SLC41A2: variants seen among roughly 807,000 people sequenced by gnomAD.
SLC41A2 encodes solute carrier family 41 member 2.
In SLC41A2, 32 loss-of-function variants were observed where a neutral mutation model predicts 58.3. That is an observed-to-expected ratio of 0.55 (90% CI 0.41 to 0.74). The LOEUF (loss-of-function observed/expected upper bound fraction) is 0.74. Among genes scored for constraint, SLC41A2 ranks in the 30% least tolerant of loss-of-function variants. SLC41A2 has a pLI of 0.00. For synonymous variants in SLC41A2, 190 were observed against 235.0 expected, an observed-to-expected ratio of 0.81 and a Z score of 1.75; for missense variants, 514 against 680.6, an observed-to-expected ratio of 0.76 and a Z score of 2.72.
At chr12:104,827,303 T>C (rs1275358420) in intron 10 of SLC41A2, among the ~76,000 whole-genome samples, 6 of 152,118 alleles carry the variant, frequency 3.9e-5, no homozygotes, top group Admixed American at 3.9e-4. Context: ...CTCCTTAAAG[T>C]AGTCACCTCG....
chr12:104,924,288 A>G (rs2046737478), intron 2 of SLC41A2, among the ~76,000 whole-genome samples: 1 of 152,220 alleles, frequency 6.6e-6, no homozygotes, highest in South Asian at 2.1e-4. Flanking sequence ...AAGAATATAG[A>G]GTATTGAGAT....
At chr12:104,863,493 C>T (rs549678951) in intron 7 of SLC41A2, among the ~76,000 whole-genome samples, 5 of 152,164 alleles carry the variant, frequency 3.3e-5, no homozygotes, top group South Asian at 4.2e-4. Context: ...AAATAATGGT[C>T]CCTAGCCCCA....
intron 4 of SLC41A2, among the ~76,000 whole-genome samples, chr12:104,893,431 T>G (rs2045115040): frequency 6.6e-6 from 1 of 152,200 alleles, no homozygotes; most frequent in African/African-American, 2.4e-5. Context: ...ACAAGCACTA[T>G]GGGGAACAGT....
At chr12:104,891,849 G>A (rs111283706) in intron 4 of SLC41A2, among the ~76,000 whole-genome samples, 1 of 151,962 alleles carries the variant, frequency 6.6e-6, no homozygotes, top group Admixed American at 6.6e-5. Flanking sequence ...AAAATTGTAG[G>A]ATACAAAATC....
chr12:104,825,218 G>T (rs1363255205), intron 10 of SLC41A2, among the ~76,000 whole-genome samples: 1 of 152,154 alleles, frequency 6.6e-6, no homozygotes, highest in African/African-American at 2.4e-5. Flanking sequence ...ACAGTCACAG[G>T]CATGCGTGGC....
intron 7 of SLC41A2, among the ~76,000 whole-genome samples, chr12:104,865,636 GCTC>G (rs953164527): frequency 2.0e-5 from 3 of 151,814 alleles, no homozygotes; most frequent in African/African-American, 7.3e-5. Context: ...TGCCCTCTTT[GCTC>G]CTCCTCTGTC....
At chr12:104,824,387 A>T (rs1240674752) in intron 10 of SLC41A2, among the ~76,000 whole-genome samples, 6 of 152,192 alleles carry the variant, frequency 3.9e-5, no homozygotes, top group African/African-American at 1.4e-4. Flanking sequence ...ATCCACCAGC[A>T]GAATGATGTG....
rs537143502 is a variant in SLC41A2, at chr12:104,832,451, C to A, written c.1536+12021G>T. 3.5e-4 allele frequency among the ~76,000 whole-genome samples: 54 copies of A among 152,212 alleles called. No individual in the cohort carries two copies. The South Asian group carries it at 7.0e-3, about 20-fold the overall frequency. ...AAAACAATAACTAGTGGAACAAATG[C>A]CTAAAAATATCAACCCCATCAACAG... is the stretch of plus-strand genomic sequence containing the variant. On this transcript the variant is annotated intron_variant, in intron 10 of 10. Transcript: ENST00000258538.
At chr12:104,900,141 G>A (rs116185014) in intron 3 of SLC41A2, among the ~76,000 whole-genome samples, 2,894 of 152,154 alleles carry the variant, frequency 0.019, 32 homozygotes, top group African/African-American at 0.036. Flanking sequence ...ATTCCCTCAG[G>A]CGAAAACATC....
chr12:104,915,418 T>C (rs973934353), intron 2 of SLC41A2, among the ~76,000 whole-genome samples: 6 of 152,352 alleles, frequency 3.9e-5, no homozygotes, highest in Non-Finnish European at 7.3e-5. Context: ...TGTTCTTCCA[T>C]TTGTTTGTAT....
intron 10 of SLC41A2, among the ~76,000 whole-genome samples, chr12:104,841,941 T>C (rs1000538021): frequency 2.0e-5 from 3 of 152,050 alleles, no homozygotes; most frequent in Admixed American, 6.5e-5. Flanking sequence ...TCAGCATGCA[T>C]TGGAAAACTG....
intron 1 of SLC41A2, among the ~76,000 whole-genome samples, chr12:104,944,268 T>TAGA (rs1593186978): frequency 6.6e-6 from 1 of 152,132 alleles, no homozygotes; most frequent in Non-Finnish European, 1.5e-5. Flanking sequence ...TACCTCCCAT[T>TAGA]AGATTATGAA....
chr12:104,869,946 T>A (rs985696878), intron 6 of SLC41A2, among the ~76,000 whole-genome samples: 1 of 152,204 alleles, frequency 6.6e-6, no homozygotes. Flanking sequence ...ATGAAACACA[T>A]TTAAAAGATC....
chr12:104,823,018 A>T (rs1168651353), intron 10 of SLC41A2, among the ~76,000 whole-genome samples: 5 of 152,168 alleles, frequency 3.3e-5, no homozygotes, highest in Admixed American at 6.5e-5. Context: ...AAGAACATAG[A>T]GAACAAAAGG....
chr12:104,817,190 C>T (rs2041444712), intron 10 of SLC41A2, among the ~76,000 whole-genome samples: 2 of 152,142 alleles, frequency 1.3e-5, no homozygotes, highest in South Asian at 2.1e-4. Flanking sequence ...TACCTAAACA[C>T]AGAAAAGTTG....
chr12:104,839,989 T>C (rs1439847066), intron 10 of SLC41A2, among the ~76,000 whole-genome samples: 1 of 152,254 alleles, frequency 6.6e-6, no homozygotes, highest in African/African-American at 2.4e-5. Context: ...GTTCCTTCTT[T>C]GCTCAATAGA....
intron 3 of SLC41A2, among the ~76,000 whole-genome samples, chr12:104,908,916 T>C (rs2045964666): frequency 6.6e-6 from 1 of 152,196 alleles, no homozygotes; most frequent in Non-Finnish European, 1.5e-5. Context: ...ACAAGAATAT[T>C]CATCACAACA....
At chr12:104,932,629 A>G (rs1231909565) in intron 1 of SLC41A2, among the ~76,000 whole-genome samples, 4 of 149,906 alleles carry the variant, frequency 2.7e-5, no homozygotes, top group Admixed American at 1.3e-4. Flanking sequence ...TGTCTCAAAA[A>G]AAAAAAAAAA....
At chr12:104,821,855 T>G (rs963492223) in intron 10 of SLC41A2, among the ~76,000 whole-genome samples, 7 of 152,234 alleles carry the variant, frequency 4.6e-5, no homozygotes, top group Non-Finnish European at 1.0e-4. Flanking sequence ...ATTCACTATG[T>G]TATTATTCTT....
Sources: gnomAD v4.1 joint callset for allele counts (sites outside exome capture counted in the v4.1 genomes callset) on GRCh38, gnomAD v4.1.1 for gene constraint, MANE v1.5 for transcripts, NCBI Gene and HGNC (gene_info 2026-07-23, HGNC 2026-07-21) for gene names.